The following MNAT1 variants were observed in gnomAD, a reference collection of about 807,000 sequenced individuals.
MNAT1 encodes the protein MNAT1 component of CDK activating kinase.
Under a neutral mutation model 42.0 loss-of-function variants are expected in MNAT1, and 43 were observed. That is an observed-to-expected ratio of 1.02 (90% CI 0.80 to 1.32). The LOEUF (loss-of-function observed/expected upper bound fraction) is 1.32. MNAT1 is among the 40% of genes most tolerant of loss of function. The pLI, the probability that MNAT1 is intolerant of heterozygous loss-of-function variation, is 0.00. For missense variants in MNAT1, 306 were observed against 350.4 expected, an observed-to-expected ratio of 0.87 and a Z score of 1.01; for synonymous variants, 118 against 120.0, an observed-to-expected ratio of 0.98 and a Z score of 0.11.
At chr14:60,931,170 G>T (rs2035874916) in intron 7 of MNAT1, among the ~76,000 whole-genome samples, 1 of 152,108 alleles carries the variant, frequency 6.6e-6, no homozygotes, top group Non-Finnish European at 1.5e-5. Flanking sequence ...CAGGTGCAGG[G>T]TAAGGAATGA....
intron 7 of MNAT1, among the ~76,000 whole-genome samples, chr14:60,945,334 C>T (rs1041258664): frequency 7.3e-5 from 11 of 151,692 alleles, no homozygotes; most frequent in Non-Finnish European, 1.2e-4. Context: ...AATTTTATCT[C>T]TATCCAGAGC....
intron 7 of MNAT1, among the ~76,000 whole-genome samples, chr14:60,938,068 A>T (rs974320171): frequency 2.0e-5 from 3 of 152,176 alleles, no homozygotes; most frequent in Admixed American, 6.5e-5. Flanking sequence ...ATTTTTGCAC[A>T]TTGATTTTGT....
intron 6 of MNAT1, among the ~76,000 whole-genome samples, chr14:60,849,429 T>C (rs896953831): frequency 1.3e-5 from 2 of 152,240 alleles, no homozygotes; most frequent in African/African-American, 4.8e-5. Context: ...TGTTGAGTTA[T>C]AGTCTGCTCT....
intron 7 of MNAT1, among the ~76,000 whole-genome samples, chr14:60,898,480 T>C (rs2035008244): frequency 6.6e-6 from 1 of 152,178 alleles, no homozygotes; most frequent in Non-Finnish European, 1.5e-5. Flanking sequence ...TGCTATCTCA[T>C]TGTGGTTTAT....
chr14:60,762,757 T>G (rs1354468741), intron 1 of MNAT1, among the ~76,000 whole-genome samples: 2 of 150,648 alleles, frequency 1.3e-5, no homozygotes, highest in African/African-American at 4.9e-5. Flanking sequence ...TATGATATTC[T>G]TTTTTTTTCC....
chr14:60,763,809 ATTTTAACATACCTT>A (rs1464627677), intron 1 of MNAT1, among the ~76,000 whole-genome samples: 2 of 152,220 alleles, frequency 1.3e-5, no homozygotes, highest in African/African-American at 4.8e-5. Context: ...GGAGTATAAC[ATTTTAACATACCTT>A]TTAGATCCAC....
At position 60,913,884 on chromosome 14, in the gene MNAT1, G is replaced by T. The variant is rs186876421; in HGVS notation, c.809+34049G>T. On this transcript the variant is annotated intron_variant, in intron 7 of 7. Transcript: ENST00000261245. ...GACAGGGACATTTAAGACTGCAGAG[G>T]TTATTGCTCTTTTGTTTGTCTGTGC... Among the ~76,000 whole-genome samples, 315 of 152,318 alleles carry T rather than the reference G, an allele frequency of 2.1e-3. 1 individual carries two copies. Among genetic ancestry groups the T allele is most frequent in the African/African-American group, 6.8e-3 (283 of 41,572 alleles).
chr14:60,744,146 G>A (rs577034620), intron 1 of MNAT1, among the ~76,000 whole-genome samples: 1 of 149,460 alleles, frequency 6.7e-6, no homozygotes, highest in African/African-American at 2.5e-5. Flanking sequence ...TTTTGTTTGT[G>A]TTTTTGAGAG....
chr14:60,803,287 C>T (rs1047044375), intron 3 of MNAT1, among the ~76,000 whole-genome samples: 2 of 152,090 alleles, frequency 1.3e-5, no homozygotes, highest in Admixed American at 6.5e-5. Flanking sequence ...GTGTTGTATT[C>T]ATATTTTTAA....
At chr14:60,841,105 T>A (rs934756877) in intron 6 of MNAT1, among the ~76,000 whole-genome samples, 1 of 152,138 alleles carries the variant, frequency 6.6e-6, no homozygotes. Flanking sequence ...TAAAATTTCC[T>A]GTTTTCTTAC....
intron 6 of MNAT1, among the ~76,000 whole-genome samples, chr14:60,831,571 C>T (rs917968177): frequency 1.3e-5 from 2 of 152,166 alleles, no homozygotes; most frequent in Admixed American, 6.5e-5. Context: ...TTCATCCAGT[C>T]TATCATTGAT....
intron 4 of MNAT1, among the ~76,000 whole-genome samples, chr14:60,809,729 C>T (rs548902071): frequency 1.3e-5 from 2 of 152,052 alleles, no homozygotes; most frequent in Admixed American, 1.3e-4. Context: ...TTGTATGATC[C>T]TTTTAATGTG....
intron 6 of MNAT1, among the ~76,000 whole-genome samples, chr14:60,826,381 A>G (rs2033058555): frequency 7.6e-6 from 1 of 131,074 alleles, no homozygotes; most frequent in African/African-American, 3.0e-5. Context: ...CAGTGATGTG[A>G]TCTTGGCTCA....
intron 7 of MNAT1, among the ~76,000 whole-genome samples, chr14:60,951,146 T>C (rs553458913): frequency 1.3e-5 from 2 of 152,226 alleles, no homozygotes; most frequent in South Asian, 4.1e-4. Context: ...AACATAATAA[T>C]TGTGCTACCC....
At chr14:60,906,750 A>G (rs1418910029) in intron 7 of MNAT1, among the ~76,000 whole-genome samples, 1 of 152,202 alleles carries the variant, frequency 6.6e-6, no homozygotes, top group Non-Finnish European at 1.5e-5. Context: ...ACATGTACTG[A>G]CAGTTCTAAA....
chr14:60,902,689 G>A (rs1357716333), intron 7 of MNAT1, among the ~76,000 whole-genome samples: 3 of 152,072 alleles, frequency 2.0e-5, no homozygotes, highest in Non-Finnish European at 4.4e-5. Context: ...CTTACAATCT[G>A]ATCAGAGAAG....
Position 60,779,888 on chromosome 14 carries a change from C to G in MNAT1, c.90-16329C>G, listed in dbSNP as rs577040667. 520 of 735,688 alleles carry G rather than the reference C, an allele frequency of 7.1e-4. 3 individuals are homozygous for G. Among genetic ancestry groups the G allele is most frequent in the Middle Eastern group, 4.7e-4 (2 of 4,212 alleles). The allele number at this position is 735,688 out of a possible 1,614,324, so 45.6% of individuals were successfully genotyped here. A position where few individuals can be genotyped will look rare whatever the true frequency, so the allele number is the denominator to read the frequency against. On this transcript the variant is annotated intron_variant, in intron 1 of 7. Coordinates refer to ENST00000261245, the MANE Select transcript of MNAT1 (RefSeq NM_002431.4). ...TGGTCTTTACTTTTGAAACTCTTGG[C>G]GGGGAAGTGCTGTTGGAGCCGCTGT...
chr14:60,769,661 T>A (rs542468199), intron 1 of MNAT1, among the ~76,000 whole-genome samples: 37 of 151,938 alleles, frequency 2.4e-4, no homozygotes, highest in Admixed American at 6.6e-4. Context: ...AAAAAAAAAA[T>A]TTGTTTTTTT....
intron 7 of MNAT1, among the ~76,000 whole-genome samples, chr14:60,921,134 A>G (rs1305613773): frequency 6.6e-6 from 1 of 152,218 alleles, no homozygotes; most frequent in Non-Finnish European, 1.5e-5. Flanking sequence ...AAACCTAAGA[A>G]ATATTAGATG....
Sources: gnomAD v4.1 joint callset for allele counts (sites outside exome capture counted in the v4.1 genomes callset) on GRCh38, gnomAD v4.1.1 for gene constraint, MANE v1.5 for transcripts, NCBI Gene and HGNC (gene_info 2026-07-23, HGNC 2026-07-21) for gene names.